The following KLHL30 variants were observed in gnomAD, a reference collection of about 807,000 sequenced individuals.
KLHL30 encodes the protein kelch-like protein 30.
In KLHL30, 55 loss-of-function variants were observed where a neutral mutation model predicts 55.0. The ratio of observed to expected loss-of-function variants is 1.00; its 90% CI spans 0.80 to 1.25. The LOEUF (loss-of-function observed/expected upper bound fraction) is 1.25. Ranked by LOEUF, KLHL30 falls within the 50% of genes most tolerant of loss-of-function variation. The pLI, the probability that KLHL30 is intolerant of heterozygous loss-of-function variation, is 0.00. For synonymous variants in KLHL30, 356 were observed against 372.6 expected, an observed-to-expected ratio of 0.96 and a Z score of 0.51; for missense variants, 786 against 811.6, an observed-to-expected ratio of 0.97 and a Z score of 0.38.
At chr2:238,138,998 G>A (rs954784917) in intron 1 of KLHL30, among the ~76,000 whole-genome samples, 11 of 152,310 alleles carry the variant, frequency 7.2e-5, no homozygotes, top group African/African-American at 2.4e-4. Flanking sequence ...CCACCCCTCA[G>A]ATGGCAGCCA....
chr2:238,147,955 C>T lies in KLHL30; in HGVS notation c.1272C>T (p.Leu424=), dbSNP rs556993639. 6.3e-7 allele frequency: 1 copy of T among 1,579,850 alleles called. No individual in the cohort carries two copies. Among genetic ancestry groups the T allele is most frequent in the Non-Finnish European group, 8.6e-7 (1 of 1,164,360 alleles). Residue 424 remains leucine (L), a synonymous_variant, in exon 6 of 8, where the codon CTC becomes CTT. Transcript: ENST00000409223. The surrounding 1 kb of genome is among the most constrained non-coding windows in gnomAD (Gnocchi z 5.8). ...NFSAAGCRGR[L]YLVGSSACKY... ...CGGCTGCCGGCTGCCGGGGCCGGCT[C>T]TACCTGGTGGGCTCCAGCGCCTGCA...
Position 238,145,679 on chromosome 2 carries a change from G to T in KLHL30, c.997G>T (p.Gly333Cys). The change falls in exon 5 of 8, where the codon GGC becomes TGC. Residue 333 changes from glycine (G) to cysteine (C), a missense_variant and splice_region_variant. Gly to Cys is a radical substitution (Grantham distance 159). Transcript: ENST00000409223. ...GTAGACAGAACTTCTCCCGGCAGGT[G>T]GCTCTCGGGGCACAAAGACAGACAC... ...ALNNNIYVTG[G>C]SRGTKTDTWS... is the part of the protein sequence containing the mutation. The T allele has an allele frequency of 6.3e-7, 1 of 1,575,472 alleles. No individual in the cohort carries two copies. The highest frequency in any genetic ancestry group is 8.6e-7 in the Non-Finnish European group (1 of 1,162,506).
intron 5 of KLHL30, among the ~76,000 whole-genome samples, chr2:238,146,798 G>T (rs1280612955): frequency 1.3e-5 from 2 of 151,650 alleles, no homozygotes; most frequent in Non-Finnish European, 2.9e-5. Flanking sequence ...GAGGCAGGCG[G>T]ATCACGAGGC....
chr2:238,140,967 T>G lies in KLHL30; in HGVS notation c.213T>G (p.Ser71=), dbSNP rs541536208. 204 of 1,612,226 alleles carry G rather than the reference T, an allele frequency of 1.3e-4. 2 individuals carry two copies. In the South Asian group the frequency reaches 2.2e-3, roughly 17 times the overall value. ...CGGGTGACTTCGCCGAGAGCTTCTC[T>G]GCGCGCGTGGAGCTGCGGGACGTGG... ...MFAGDFAESF[S]ARVELRDVEP... Residue 71 remains serine (S), a synonymous_variant, in exon 2 of 8, where the codon TCT becomes TCG. Coordinates refer to ENST00000409223, the MANE Select transcript of KLHL30 (RefSeq NM_198582.4).
intron 4 of KLHL30, 56 bp downstream of exon 4, chr2:238,145,044 A>C (rs13013945): frequency 0.52 from 731,574 of 1,417,938 alleles, 189,630 homozygotes; most frequent in South Asian, 0.59. Flanking sequence ...CACTGGGCTC[A>C]GTGCAACTCC....
intron 5 of KLHL30, among the ~76,000 whole-genome samples, chr2:238,146,717 T>A (rs1233967229): frequency 2.1e-5 from 3 of 145,768 alleles, no homozygotes; most frequent in Middle Eastern, 3.5e-3. Flanking sequence ...CATAAAAAAA[T>A]AAAAAATAAA....
intron 7 of KLHL30, among the ~76,000 whole-genome samples, chr2:238,150,575 G>A (rs1020421188): frequency 6.6e-6 from 1 of 152,192 alleles, no homozygotes; most frequent in Admixed American, 6.5e-5. Context: ...GGGGTTGGAA[G>A]TGTCATCCCA....
At position 238,141,190 on chromosome 2, in the gene KLHL30, G is replaced by A. The variant is rs1414723902; in HGVS notation, c.436G>A (p.Gly146Arg). ...LGICEFGEQQ[G>R]LLGVAAKAWA... ...CATCTGTGAGTTCGGGGAGCAGCAA[G>A]GGCTGCTGGGCGTGGCTGCCAAGGC... The change falls in exon 2 of 8, where the codon GGG (glycine) becomes AGG (arginine). Residue 146 changes from glycine (G) to arginine (R), a missense_variant. Transcript: ENST00000409223. 3.7e-6 allele frequency: 6 copies of A among 1,611,526 alleles called. No individual in the cohort carries two copies. In the South Asian group the frequency reaches 6.6e-5, roughly 18 times the overall value.
chr2:238,140,669 C>A lies in KLHL30; in HGVS notation c.-70-16C>A. 1 of 1,393,672 alleles carries A rather than the reference C, an allele frequency of 7.2e-7. No homozygotes were observed. The allele number at this position is 1,393,672 out of a possible 1,614,324, so 86.3% of individuals were successfully genotyped here. ...GACCATCCCCACTTGGCTGACCCTG[C>A]TCTCTTCTCTCCTAGGAGCTCGGGC... On this transcript the variant is annotated splice_polypyrimidine_tract_variant and intron_variant, in intron 1 of 7. Coordinates refer to ENST00000409223, the MANE Select transcript of KLHL30 (RefSeq NM_198582.4).
Position 238,147,984 on chromosome 2 carries a change from A to G in KLHL30, c.1301A>G (p.Tyr434Cys), listed in dbSNP as rs1033989994. 6.5e-7 allele frequency: 1 copy of G among 1,546,418 alleles called. No homozygotes were observed. The highest frequency in any genetic ancestry group is 2.5e-5 in the East Asian group (1 of 40,616). Residue 434 changes from tyrosine to cysteine, a missense_variant, in exon 6 of 8, where the codon TAC (tyrosine) becomes TGC (cysteine). Physicochemically the swap from Tyr to Cys is radical, Grantham distance 194. Coordinates refer to ENST00000409223, the MANE Select transcript of KLHL30 (RefSeq NM_198582.4). This position sits in a 1 kb window ranked among gnomAD's most constrained non-coding sequence, Gnocchi z 5.8. The part of the protein sequence containing the change: ...LYLVGSSACK[Y>C]NALALQCYNP... Reference sequence around the variant, plus strand: ...CTGGTGGGCTCCAGCGCCTGCAAGTACAACGCCCTGGCCCTGCAGTGCTAC... The same window carrying G: ...CTGGTGGGCTCCAGCGCCTGCAAGTGCAACGCCCTGGCCCTGCAGTGCTAC...
chr2:238,144,435 GC>G (rs1390759830), intron 3 of KLHL30, among the ~76,000 whole-genome samples: 2,452 of 83,620 alleles, frequency 0.029, 45 homozygotes, highest in Middle Eastern at 0.042. Context: ...AGGAAGGAAG[GC>G]AGGCAGGCAG....
intron 1 of KLHL30, among the ~76,000 whole-genome samples, chr2:238,139,865 G>T (rs979592072): frequency 1.3e-5 from 2 of 152,206 alleles, no homozygotes; most frequent in African/African-American, 4.8e-5. Context: ...CTTAGGGTGC[G>T]ATACCAGAAG....
chr2:238,140,675 T>C lies in KLHL30; in HGVS notation c.-70-10T>C. The C allele has an allele frequency of 1.4e-6, 2 of 1,418,652 alleles. No homozygotes were observed. Among genetic ancestry groups the C allele is most frequent in the Non-Finnish European group, 1.9e-6 (2 of 1,069,172 alleles). The allele number at this position is 1,418,652 out of a possible 1,614,324, so 87.9% of individuals were successfully genotyped here. On this transcript the variant is annotated splice_polypyrimidine_tract_variant and intron_variant, in intron 1 of 7. Transcript: ENST00000409223. ...CCCCACTTGGCTGACCCTGCTCTCT[T>C]CTCTCCTAGGAGCTCGGGCGGCTCC... is the stretch of plus-strand genomic sequence containing the variant.
Position 238,147,157 on chromosome 2 carries a change from A to AG in KLHL30, c.1151-677_1151-676insG, listed in dbSNP as rs1431008425. ...GCAAGACCCTGTCTCAAAAAAAAAAAAAAGAAAGAAAAGAAAAACAAAACA... is the reference window on the plus strand; with the variant it reads ...GCAAGACCCTGTCTCAAAAAAAAAAAGAAAGAAAGAAAAGAAAAACAAAACA... On this transcript the variant is annotated intron_variant, in intron 5 of 7. Coordinates refer to ENST00000409223, the MANE Select transcript of KLHL30 (RefSeq NM_198582.4). The surrounding 1 kb of genome is among the most constrained non-coding windows in gnomAD (Gnocchi z 5.8). Among the ~76,000 whole-genome samples the AG allele has an allele frequency of 2.6e-5, 4 of 151,690 alleles. No homozygotes were observed. The highest frequency in any genetic ancestry group is 2.1e-4 in the South Asian group (1 of 4,790).
intron 3 of KLHL30, among the ~76,000 whole-genome samples, chr2:238,144,303 G>C (rs1692591345): frequency 6.6e-6 from 1 of 152,068 alleles, no homozygotes; most frequent in Non-Finnish European, 1.5e-5. Context: ...ATTTGGACCT[G>C]CTCTGCCTGC....
At chr2:238,144,496 G>T (rs565501347) in intron 3 of KLHL30, among the ~76,000 whole-genome samples, 55 of 147,348 alleles carry the variant, frequency 3.7e-4, no homozygotes, top group Non-Finnish European at 6.3e-4. Context: ...TGCTGTTGGT[G>T]TTATCACCCA....
chr2:238,144,384 AAG>A (rs1692595323), intron 3 of KLHL30, among the ~76,000 whole-genome samples: 2 of 61,710 alleles, frequency 3.2e-5, no homozygotes, highest in African/African-American at 1.1e-4. Context: ...GGAAGGAAGG[AAG>A]GAAGGAAGGA....
Position 238,151,005 on chromosome 2 carries a change from C to T in KLHL30, c.1677C>T (p.Ser559=), listed in dbSNP as rs1265821562. Residue 559 remains serine, a synonymous_variant, in exon 8 of 8, where the codon TCC becomes TCT. Transcript: ENST00000409223. The part of the protein sequence containing the change: ...LPRLWLYHGA[S]TVFLDVSKWT... The stretch of plus-strand genomic sequence containing the variant: ...GGCTCTGGCTCTACCACGGGGCCTC[C>T]ACCGTCTTCCTGGATGTCTCCAAGT... 3 of 1,590,392 alleles carry T rather than the reference C, an allele frequency of 1.9e-6. No homozygotes were observed. The highest frequency in any genetic ancestry group is 2.7e-5 in the African/African-American group (2 of 74,370).
intron 1 of KLHL30, among the ~76,000 whole-genome samples, chr2:238,139,201 G>T (rs1226830836): frequency 2.0e-5 from 3 of 152,228 alleles, no homozygotes; most frequent in African/African-American, 7.2e-5. Context: ...GGAAGTGGGG[G>T]CGCTCATGCG....
Sources: allele counts gnomAD v4.1 joint callset (sites outside exome capture counted in the v4.1 genomes callset), GRCh38; gene constraint gnomAD v4.1.1; non-coding constraint Gnocchi (gnomAD v3.1); transcripts MANE v1.5; gene names NCBI Gene and HGNC (gene_info 2026-07-23, HGNC 2026-07-21).